Variants in LUZP2 observed in about 807,000 individuals in gnomAD.
The protein encoded by LUZP2 is leucine zipper protein 2.
LUZP2 carries 52 observed loss-of-function variants against 51.6 expected under a neutral mutation model. The observed-to-expected ratio is 1.01, with a 90% CI of 0.81 to 1.27. The LOEUF (loss-of-function observed/expected upper bound fraction) is 1.27, where lower values mean the gene tolerates loss of function less well. Ranked by LOEUF, LUZP2 falls within the 50% of genes most tolerant of loss-of-function variation. The pLI is 0.00. For synonymous variants in LUZP2, 154 were observed against 137.3 expected (o/e 1.12, Z -0.85); for missense variants, 436 against 395.4 (o/e 1.10, Z -0.87).
intron 1 of LUZP2, among the ~76,000 whole-genome samples, chr11:24,537,226 A>C (rs555884865): frequency 6.6e-6 from 1 of 152,056 alleles, no homozygotes; most frequent in South Asian, 2.1e-4. Context: ...CTGTTAGTAA[A>C]ATGGCACTGA....
intron 1 of LUZP2, among the ~76,000 whole-genome samples, chr11:24,610,521 A>G (rs1854084619): frequency 6.6e-6 from 1 of 152,196 alleles, no homozygotes; most frequent in Non-Finnish European, 1.5e-5. Flanking sequence ...CCAACCATGC[A>G]TTTTGGCCCT....
chr11:24,618,913 T>C (rs1854390437), intron 1 of LUZP2, among the ~76,000 whole-genome samples: 1 of 152,174 alleles, frequency 6.6e-6, no homozygotes. Context: ...AAAATTTCTC[T>C]GTGAAACTTG....
intron 7 of LUZP2, among the ~76,000 whole-genome samples, chr11:24,969,903 C>G (rs1855695879): frequency 1.3e-5 from 2 of 152,086 alleles, no homozygotes; most frequent in African/African-American, 4.8e-5. Context: ...GGTGGGAACA[C>G]ACACATGCGC....
intron 5 of LUZP2, among the ~76,000 whole-genome samples, chr11:24,808,073 T>G: frequency 6.6e-6 from 1 of 152,168 alleles, no homozygotes; most frequent in Admixed American, 6.5e-5. Flanking sequence ...AAAATGTAAA[T>G]AATAGTAATA....
intron 1 of LUZP2, among the ~76,000 whole-genome samples, chr11:24,632,968 A>C (rs548050563): frequency 6.6e-6 from 1 of 152,006 alleles, no homozygotes; most frequent in Non-Finnish European, 1.5e-5. Flanking sequence ...AAGGAGTAAA[A>C]CATGTTGAGT....
At chr11:24,738,366 A>C in intron 4 of LUZP2, 64 bp downstream of exon 4, 2 of 1,125,956 alleles carry the variant, frequency 1.8e-6, no homozygotes, top group South Asian at 2.6e-5. Context: ...TTCTTTTTCC[A>C]AAATCACTAT....
intron 5 of LUZP2, among the ~76,000 whole-genome samples, chr11:24,900,680 G>T (rs1191904592): frequency 6.6e-6 from 1 of 152,104 alleles, no homozygotes; most frequent in South Asian, 2.1e-4. Flanking sequence ...AAGAGAAGTC[G>T]ACTGTTAAAA....
At chr11:24,761,422 G>A (rs1393951632) in intron 4 of LUZP2, among the ~76,000 whole-genome samples, 1 of 152,134 alleles carries the variant, frequency 6.6e-6, no homozygotes, top group Non-Finnish European at 1.5e-5. Flanking sequence ...CCTAGCTCCA[G>A]TGTTAAGGAT....
intron 7 of LUZP2, among the ~76,000 whole-genome samples, chr11:24,927,165 A>G (rs1854304979): frequency 6.6e-6 from 1 of 151,400 alleles, no homozygotes; most frequent in Non-Finnish European, 1.5e-5. Context: ...ATCCTTTGTC[A>G]AAAATACAAA....
At chr11:24,807,701 C>G (rs994619147) in intron 5 of LUZP2, among the ~76,000 whole-genome samples, 38 of 152,006 alleles carry the variant, frequency 2.5e-4, no homozygotes, top group African/African-American at 8.2e-4. Flanking sequence ...GTTGGCCTCT[C>G]TGTGTAGCAT....
intron 4 of LUZP2, among the ~76,000 whole-genome samples, chr11:24,747,736 G>A (rs1422723630): frequency 3.3e-5 from 5 of 152,120 alleles, no homozygotes; most frequent in African/African-American, 9.7e-5. Flanking sequence ...TGCTGTGGCT[G>A]TTGTGGGGGA....
chr11:24,622,482 T>A (rs1258217259), intron 1 of LUZP2, among the ~76,000 whole-genome samples: 6 of 151,978 alleles, frequency 3.9e-5, no homozygotes, highest in African/African-American at 1.4e-4. Context: ...AAGTGCGGGA[T>A]TTAAAGGCCT....
At chr11:24,567,473 TA>T (rs1430177655) in intron 1 of LUZP2, among the ~76,000 whole-genome samples, 1 of 152,042 alleles carries the variant, frequency 6.6e-6, no homozygotes, top group Non-Finnish European at 1.5e-5. Flanking sequence ...ATACATTCAC[TA>T]AGCTCAGTGA....
intron 1 of LUZP2, among the ~76,000 whole-genome samples, chr11:24,583,241 CTATTTTAA>C (rs1852937834): frequency 6.6e-6 from 1 of 151,998 alleles, no homozygotes; most frequent in Non-Finnish European, 1.5e-5. Flanking sequence ...TCTCCTGGGT[CTATTTTAA>C]CTTATTTTAG....
intron 7 of LUZP2, among the ~76,000 whole-genome samples, chr11:24,952,490 A>G (rs1244252935): frequency 6.6e-6 from 1 of 151,714 alleles, no homozygotes; most frequent in East Asian, 1.9e-4. Flanking sequence ...GGAATGGGGA[A>G]TTGAGATTTC....
chr11:24,735,677 G>A (rs977891568), intron 3 of LUZP2, among the ~76,000 whole-genome samples: 1 of 151,880 alleles, frequency 6.6e-6, no homozygotes, highest in African/African-American at 2.4e-5. Flanking sequence ...GATGAAAGAG[G>A]TGTGGAATAA....
At chr11:24,898,562 A>G (rs10834537) in intron 5 of LUZP2, among the ~76,000 whole-genome samples, 83,806 of 151,484 alleles carry the variant, frequency 0.55, 23,512 homozygotes, top group East Asian at 0.78. Flanking sequence ...AGCAGAGCTT[A>G]CAGTGAGCCC....
chr11:24,832,722 C>T (rs1272699120), intron 5 of LUZP2, among the ~76,000 whole-genome samples: 2 of 151,582 alleles, frequency 1.3e-5, no homozygotes, highest in Non-Finnish European at 2.9e-5. Flanking sequence ...TTTAAAAATG[C>T]CTTACTGTAA....
chr11:24,648,396 C>T (rs1409466277), intron 1 of LUZP2, among the ~76,000 whole-genome samples: 1 of 151,926 alleles, frequency 6.6e-6, no homozygotes, highest in Admixed American at 6.6e-5. Context: ...ATATATACTA[C>T]ATATTTAGGG....
Sources: allele counts gnomAD v4.1 joint callset (sites outside exome capture counted in the v4.1 genomes callset), GRCh38; gene constraint gnomAD v4.1.1; transcripts MANE v1.5; gene names NCBI Gene and HGNC (gene_info 2026-07-23, HGNC 2026-07-21).